Variants in SLC15A5 observed in about 807,000 individuals in gnomAD.
The protein encoded by SLC15A5 is Peptide/histidine transporter ENSP00000340402.
Under a neutral mutation model 56.1 loss-of-function variants are expected in SLC15A5, and 58 were observed. The ratio of observed to expected loss-of-function variants is 1.03; its 90% CI spans 0.84 to 1.29. The LOEUF (loss-of-function observed/expected upper bound fraction) is 1.29. Among genes scored for constraint, SLC15A5 ranks in the 50% most tolerant of loss-of-function variants. The probability of loss-of-function intolerance (pLI) is 0.00; values close to 1 mark genes in which losing one functional copy is unlikely to be tolerated. For synonymous variants in SLC15A5, 264 were observed against 250.5 expected (o/e 1.05, Z -0.51); for missense variants, 681 against 672.1 (o/e 1.01, Z -0.15).
intron 2 of SLC15A5, among the ~76,000 whole-genome samples, chr12:16,259,902 G>GGC (rs1555173555): frequency 1.3e-5 from 2 of 150,100 alleles, no homozygotes; most frequent in South Asian, 2.1e-4. Flanking sequence ...CCACCCGGGC[G>GGC]GGGGGTAAGT....
At chr12:16,201,863 A>G (rs1238222340) in intron 7 of SLC15A5, among the ~76,000 whole-genome samples, 1 of 152,178 alleles carries the variant, frequency 6.6e-6, no homozygotes, top group African/African-American at 2.4e-5. Flanking sequence ...ACAAAGGAGA[A>G]AGTACAGTCT....
chr12:16,224,477 A>G lies in SLC15A5; in HGVS notation c.1288T>C (p.Cys430Arg). 1 of 1,537,320 alleles carries G rather than the reference A, an allele frequency of 6.5e-7. No individual in the cohort carries two copies. Among genetic ancestry groups the G allele is most frequent in the Non-Finnish European group, 8.7e-7 (1 of 1,146,912 alleles). Reference sequence around the variant, plus strand: ...ACATACTGAAGAATCAGGTAGAAACAGGGCATGGAGGAAACAGTGAGAACT... The same window carrying G: ...ACATACTGAAGAATCAGGTAGAAACGGGGCATGGAGGAAACAGTGAGAACT... ...GKVLTVSSMP[C>R]FYLILQYVLL... Residue 430 changes from cysteine to arginine, a missense_variant, in exon 6 of 9, where the codon TGT (cysteine) becomes CGT (arginine). Coordinates refer to ENST00000344941, the MANE Select transcript of SLC15A5 (RefSeq NM_001170798.1).
intron 2 of SLC15A5, among the ~76,000 whole-genome samples, chr12:16,264,208 C>T (rs768461582): frequency 3.9e-5 from 6 of 152,222 alleles, no homozygotes; most frequent in East Asian, 1.9e-4. Context: ...CATGGGAACC[C>T]ACCTCTTGCA....
intron 3 of SLC15A5, among the ~76,000 whole-genome samples, chr12:16,253,118 A>C (rs1387370016): frequency 2.0e-5 from 3 of 152,140 alleles, no homozygotes; most frequent in Non-Finnish European, 4.4e-5. Flanking sequence ...TCCTTGCTTT[A>C]GACCATGTAC....
intron 2 of SLC15A5, among the ~76,000 whole-genome samples, chr12:16,263,187 T>G (rs1437484705): frequency 1.3e-5 from 2 of 152,166 alleles, no homozygotes; most frequent in African/African-American, 4.8e-5. Context: ...ACCAAAATGC[T>G]AATAATGACA....
chr12:16,199,009 A>T (rs932851447), intron 7 of SLC15A5, among the ~76,000 whole-genome samples: 2 of 151,930 alleles, frequency 1.3e-5, no homozygotes, highest in African/African-American at 4.8e-5. Context: ...CCACCTGGCT[A>T]GTTCCCCTAT....
chr12:16,189,916 C>T (rs2136235620), intron 8 of SLC15A5, 101 bp from the exon 9 acceptor site: 2 of 843,092 alleles, frequency 2.4e-6, no homozygotes, highest in South Asian at 2.8e-5. Flanking sequence ...ATGATGGGCT[C>T]ATAGATACTG....
At chr12:16,264,257 A>T (rs950682006) in intron 2 of SLC15A5, among the ~76,000 whole-genome samples, 4 of 152,138 alleles carry the variant, frequency 2.6e-5, no homozygotes, top group African/African-American at 9.7e-5. Flanking sequence ...GTCAAAGGAG[A>T]TCATTTTGGA....
At chr12:16,218,830 A>T (rs564635428) in intron 6 of SLC15A5, among the ~76,000 whole-genome samples, 1 of 152,218 alleles carries the variant, frequency 6.6e-6, no homozygotes, top group African/African-American at 2.4e-5. Context: ...CCTCTCGGGA[A>T]TATTTACCCC....
rs1262216091 is a variant in SLC15A5 at position 16,271,488 on chromosome 12, A to T, written c.584+1073T>A. Among the ~76,000 whole-genome samples, 2 of 152,174 alleles carry T rather than the reference A, an allele frequency of 1.3e-5. No homozygotes were observed. Among genetic ancestry groups the T allele is most frequent in the African/African-American group, 2.4e-5 (1 of 41,446 alleles). On this transcript the variant is annotated intron_variant, in intron 2 of 8. Coordinates refer to ENST00000344941, the MANE Select transcript of SLC15A5 (RefSeq NM_001170798.1). The surrounding 1 kb of genome is among the most constrained non-coding windows in gnomAD (Gnocchi z 8.0). ...AAGAGTCCCTTCTACCTTTGGTAAG[A>T]CTGCATTGTTCTCTGACATTAGGAC...
At chr12:16,210,613 A>G (rs1405290216) in intron 7 of SLC15A5, among the ~76,000 whole-genome samples, 1 of 152,172 alleles carries the variant, frequency 6.6e-6, no homozygotes, top group African/African-American at 2.4e-5. Context: ...GTCACTAGTG[A>G]AGACTAGAGA....
intron 5 of SLC15A5, among the ~76,000 whole-genome samples, chr12:16,225,635 G>A (rs2136250085): frequency 6.6e-6 from 1 of 152,298 alleles, no homozygotes; most frequent in South Asian, 2.1e-4. Flanking sequence ...CAAAAAGTGA[G>A]TGAAGGATAT....
chr12:16,216,638 A>G (rs1047605445), intron 7 of SLC15A5, among the ~76,000 whole-genome samples: 1 of 152,290 alleles, frequency 6.6e-6, no homozygotes, highest in East Asian at 1.9e-4. Context: ...TAAGAATATA[A>G]TGACCAGTTT....
intron 2 of SLC15A5, 126 bp from the exon 3 acceptor site, chr12:16,257,996 G>A: frequency 1.2e-6 from 1 of 815,964 alleles, no homozygotes; most frequent in Non-Finnish European, 1.7e-6. Context: ...ACCCAATTTT[G>A]CAAATGTTGT....
intron 3 of SLC15A5, among the ~76,000 whole-genome samples, chr12:16,251,622 A>G (rs1455588808): frequency 6.6e-6 from 1 of 151,942 alleles, no homozygotes; most frequent in East Asian, 1.9e-4. Flanking sequence ...CTGAATCATG[A>G]CAAAATAAAA....
intron 1 of SLC15A5, among the ~76,000 whole-genome samples, chr12:16,275,181 T>C (rs1397362063): frequency 1.3e-5 from 2 of 152,034 alleles, no homozygotes; most frequent in Non-Finnish European, 2.9e-5. Flanking sequence ...CAACAAACAC[T>C]ATTTGGTTCT....
intron 3 of SLC15A5, among the ~76,000 whole-genome samples, chr12:16,248,532 G>C (rs780095846): frequency 4.5e-4 from 69 of 152,080 alleles, no homozygotes; most frequent in Non-Finnish European, 1.0e-3. Flanking sequence ...GACCCAGTAA[G>C]TCAGCAAGAG....
chr12:16,227,815 A>G (rs530518893), intron 5 of SLC15A5, among the ~76,000 whole-genome samples: 22 of 152,346 alleles, frequency 1.4e-4, no homozygotes, highest in African/African-American at 5.3e-4. Context: ...TCTAAAGGTC[A>G]TGTGCTGGTT....
At chr12:16,216,848 G>C in intron 7 of SLC15A5, 45 bp downstream of exon 7, 7 of 1,484,028 alleles carry the variant, frequency 4.7e-6, no homozygotes, top group Non-Finnish European at 6.2e-6. Context: ...CCATTCCCTA[G>C]TCATCAACTC....
Sources: gnomAD v4.1 joint callset for allele counts (sites outside exome capture counted in the v4.1 genomes callset) on GRCh38, gnomAD v4.1.1 for gene constraint, Gnocchi (gnomAD v3.1) non-coding constraint, MANE v1.5 for transcripts, NCBI Gene and HGNC (gene_info 2026-07-23, HGNC 2026-07-21) for gene names.